Variants in DENND2C observed in about 807,000 individuals in gnomAD.
DENND2C encodes DENN domain containing 2C.
DENND2C carries 72 observed loss-of-function variants against 112.4 expected under a neutral mutation model. That is an observed-to-expected ratio of 0.64 (90% CI 0.53 to 0.78). The LOEUF (loss-of-function observed/expected upper bound fraction) is 0.78. Ranked by LOEUF, DENND2C falls within the 30% of genes least tolerant of loss-of-function variation. The probability of loss-of-function intolerance (pLI) is 0.00; values close to 1 mark genes in which losing one functional copy is unlikely to be tolerated. For missense variants in DENND2C, 992 were observed against 1,113.8 expected, an observed-to-expected ratio of 0.89 and a Z score of 1.56; for synonymous variants, 329 against 381.6, an observed-to-expected ratio of 0.86 and a Z score of 1.61.
At chr1:114,642,072 C>T (rs1490994665) in intron 3 of DENND2C, among the ~76,000 whole-genome samples, 2 of 152,156 alleles carry the variant, frequency 1.3e-5, no homozygotes, top group Admixed American at 6.6e-5. Flanking sequence ...CTACCTTAGC[C>T]TCCCAAGTAG....
At chr1:114,600,076 CCTG>C (rs772447716) in intron 15 of DENND2C, 125 bp downstream of exon 15, 1 of 1,020,974 alleles carries the variant, frequency 9.8e-7, no homozygotes, top group Non-Finnish European at 1.4e-6. Flanking sequence ...ATGTAATGAA[CCTG>C]CACGTTGTGC....
At chr1:114,669,731 G>C (rs1325760193) in intron 1 of DENND2C, among the ~76,000 whole-genome samples, 1 of 152,028 alleles carries the variant, frequency 6.6e-6, no homozygotes, top group African/African-American at 2.4e-5. Context: ...GCCAGGCTCC[G>C]CCACAACCCG....
chr1:114,602,126 A>C lies in DENND2C; in HGVS notation c.1736T>G (p.Leu579Trp). ...CTGTAACACAAATCTGATACTTACC[A>C]AGAGCTTCTTACAGTAACCAAACCA... ...SRWFGYCKKL[L>W]PVGKGKRLPE... The change falls in exon 12 of 21, where the codon TTG (leucine) becomes TGG (tryptophan). Residue 579 changes from leucine (L) to tryptophan (W), a missense_variant and splice_region_variant. Around this residue, in one of 3 missense-constraint regions of DENND2C, gnomAD observed 516 missense variants for 623.6 expected, o/e 0.83. Transcript: ENST00000393274. 1 of 1,613,816 alleles carries C rather than the reference A, an allele frequency of 6.2e-7. No individual in the cohort carries two copies. Among genetic ancestry groups the C allele is most frequent in the East Asian group, 2.2e-5 (1 of 44,844 alleles).
chr1:114,621,813 C>A, intron 7 of DENND2C, 82 bp downstream of exon 7: 1 of 1,504,968 alleles, frequency 6.6e-7, no homozygotes, highest in Non-Finnish European at 9.0e-7. Context: ...ACCTATTATT[C>A]ATTTCGGTCT....
intron 20 of DENND2C, 181 bp downstream of exon 20, chr1:114,587,206 C>T (rs577918788): frequency 1.5e-6 from 1 of 662,898 alleles, no homozygotes; most frequent in African/African-American, 1.8e-5. Context: ...CCAACCATGC[C>T]CAGCTAATTT....
At chr1:114,642,240 C>T (rs1205846086) in intron 3 of DENND2C, among the ~76,000 whole-genome samples, 2 of 152,202 alleles carry the variant, frequency 1.3e-5, no homozygotes, top group African/African-American at 2.4e-5. Context: ...TGTGAGCCAC[C>T]GCGCCCAGCT....
At chr1:114,602,811 G>C (rs1262189684) in intron 11 of DENND2C, among the ~76,000 whole-genome samples, 1 of 152,114 alleles carries the variant, frequency 6.6e-6, no homozygotes, top group Non-Finnish European at 1.5e-5. Context: ...TAATCCTTCT[G>C]TCTCAGCCTC....
intron 12 of DENND2C, 83 bp from the exon 13 acceptor site, chr1:114,601,668 T>C (rs1655508140): frequency 4.1e-6 from 5 of 1,233,024 alleles, no homozygotes; most frequent in Non-Finnish European, 5.9e-6. Context: ...AATTATCTTT[T>C]ACTACTCTTT....
rs1657261078 is a variant in DENND2C at position 114,654,735 on chromosome 1, CA to C, written c.-548del. 2 of 143,532 alleles carry C rather than the reference CA, an allele frequency of 1.4e-5. No individual in the cohort carries two copies. Among genetic ancestry groups the C allele is most frequent in the Admixed American group, 1.4e-4 (2 of 14,222 alleles). The allele number at this position is 143,532 out of a possible 1,614,324, so 8.9% of individuals were successfully genotyped here. On this transcript the variant is annotated 5_prime_UTR_variant, in exon 2 of 21. It adds an upstream start codon to the 5' untranslated region. Transcript: ENST00000393274. ...AACTGGAAATAGCAAGTGGTTTAAG[CA>C]ATACCGATGTTTGTTTCTCTGCCAC... is the stretch of plus-strand genomic sequence containing the variant.
Position 114,625,233 on chromosome 1 carries a change from G to A in DENND2C, c.752C>T (p.Ser251Phe), listed in dbSNP as rs138983727. Residue 251 changes from serine (S) to phenylalanine (F), a missense_variant, in exon 4 of 21, where the codon TCT (serine) becomes TTT (phenylalanine). This residue lies in a region of DENND2C where 470 missense variants were observed against 472.7 expected (regional missense o/e 0.99). Transcript: ENST00000393274. ...NSCAQSSLAS[S>F]QEPEPKKYGG... ...ATATTTCTTTGGTTCAGGTTCCTGA[G>A]AAGAGGCCAAAGAAGATTGTGCACA... 126 of 1,613,338 alleles carry A rather than the reference G, an allele frequency of 7.8e-5. No homozygotes were observed. The highest frequency in any genetic ancestry group is 9.7e-5 in the Non-Finnish European group (115 of 1,179,896).
chr1:114,587,389 A>C lies in DENND2C; in HGVS notation c.2753T>G (p.Leu918Arg). The change falls in exon 20 of 21, where the codon CTT (leucine) becomes CGT (arginine). Residue 918 changes from leucine to arginine, a missense_variant and splice_region_variant. This residue lies in a region of DENND2C where 516 missense variants were observed against 623.6 expected (regional missense o/e 0.83). Transcript: ENST00000393274. The part of the protein sequence containing the change: ...PSGMNRILRS[L>R]GSKMKFLQKK ...AACAGGAAAACACAGCAACTAACCA[A>C]GACTCCGCAAAATTCTATTCATCCC... The C allele has an allele frequency of 6.2e-7, 1 of 1,614,184 alleles. No homozygotes were observed. The highest frequency in any genetic ancestry group is 8.5e-7 in the Non-Finnish European group (1 of 1,180,038).
intron 17 of DENND2C, among the ~76,000 whole-genome samples, 161 bp from the exon 18 acceptor site, chr1:114,594,739 T>C (rs1168083436): frequency 6.6e-6 from 1 of 152,240 alleles, no homozygotes; most frequent in Non-Finnish European, 1.5e-5. Flanking sequence ...GAATCTTTCA[T>C]GTTTATGGTG....
At chr1:114,603,030 A>G (rs1313577347) in intron 11 of DENND2C, among the ~76,000 whole-genome samples, 1 of 152,244 alleles carries the variant, frequency 6.6e-6, no homozygotes, top group African/African-American at 2.4e-5. Flanking sequence ...AATTATTAAG[A>G]AAAATATCAA....
At chr1:114,646,681 A>G (rs753007242) in intron 2 of DENND2C, among the ~76,000 whole-genome samples, 9 of 152,198 alleles carry the variant, frequency 5.9e-5, no homozygotes, top group African/African-American at 1.9e-4. Flanking sequence ...GTCAAACTGT[A>G]TATTAAATAT....
At chr1:114,661,587 AT>A (rs1360762337) in intron 1 of DENND2C, among the ~76,000 whole-genome samples, 1 of 152,170 alleles carries the variant, frequency 6.6e-6, no homozygotes, top group Non-Finnish European at 1.5e-5. Context: ...TTTAATTTTC[AT>A]TTGCAACATT....
intron 1 of DENND2C, among the ~76,000 whole-genome samples, chr1:114,664,043 A>G (rs1002015683): frequency 1.7e-4 from 26 of 151,498 alleles, no homozygotes; most frequent in African/African-American, 5.8e-4. Flanking sequence ...GGTTCTAGCA[A>G]TTCTCCCACC....
chr1:114,655,018 T>C (rs1439031332), intron 1 of DENND2C, among the ~76,000 whole-genome samples: 1 of 152,222 alleles, frequency 6.6e-6, no homozygotes, highest in Non-Finnish European at 1.5e-5. Flanking sequence ...AAGTCACATG[T>C]ACAAACTGCA....
intron 11 of DENND2C, among the ~76,000 whole-genome samples, chr1:114,602,746 T>G (rs535752425): frequency 6.6e-6 from 1 of 152,108 alleles, no homozygotes; most frequent in South Asian, 2.1e-4. Context: ...TAATTTTGTG[T>G]AGAGATAAGG....
chr1:114,643,470 A>G (rs922053141), intron 3 of DENND2C, among the ~76,000 whole-genome samples: 3 of 152,198 alleles, frequency 2.0e-5, no homozygotes, highest in Non-Finnish European at 2.9e-5. Flanking sequence ...ACTAATAGGG[A>G]AAAAAAGTGT....
Sources: allele counts gnomAD v4.1 joint callset (sites outside exome capture counted in the v4.1 genomes callset), GRCh38; gene constraint gnomAD v4.1.1; regional missense constraint gnomAD v4.1.1; transcripts MANE v1.5; gene names NCBI Gene and HGNC (gene_info 2026-07-23, HGNC 2026-07-21).